Variants in SAMD4A observed in about 807,000 individuals in gnomAD.
SAMD4A encodes protein Smaug homolog 1.
Under a neutral mutation model 81.3 loss-of-function variants are expected in SAMD4A, and 33 were observed. The observed-to-expected ratio is 0.41, with a 90% CI of 0.31 to 0.54. The LOEUF is 0.54. Ranked by LOEUF, SAMD4A falls within the 20% of genes least tolerant of loss-of-function variation. SAMD4A has a pLI of 0.37. For missense variants in SAMD4A, 854 were observed against 951.1 expected, an observed-to-expected ratio of 0.90 and a Z score of 1.34; for synonymous variants, 389 against 382.1, an observed-to-expected ratio of 1.02 and a Z score of -0.21.
intron 2 of SAMD4A, among the ~76,000 whole-genome samples, chr14:54,578,356 AAGAG>A (rs576438626): frequency 2.6e-5 from 4 of 151,436 alleles, no homozygotes; most frequent in Non-Finnish European, 5.9e-5. Flanking sequence ...GCAGAGGAGA[AAGAG>A]AGAGAGAGAG....
In SAMD4A at chr14:54,692,304, T is replaced by C. The variant is rs529650514; in HGVS notation, c.197-9758T>C. On this transcript the variant is annotated intron_variant, in intron 2 of 12. Coordinates refer to ENST00000554335, the MANE Select transcript of SAMD4A (RefSeq NM_015589.6). Reference sequence around the variant, plus strand: ...TAAACCTGTTGTGTGGCATGGCTGTTGTTCCGTTTGCTCCACTGAATTAAG... The same window carrying C: ...TAAACCTGTTGTGTGGCATGGCTGTCGTTCCGTTTGCTCCACTGAATTAAG... 3.3e-5 allele frequency among the ~76,000 whole-genome samples: 5 copies of C among 152,330 alleles called. No homozygotes were observed. The South Asian group carries it at 1.0e-3, about 32-fold the overall frequency.
chr14:54,684,657 G>C (rs2036214447), intron 2 of SAMD4A, among the ~76,000 whole-genome samples: 1 of 139,594 alleles, frequency 7.2e-6, no homozygotes, highest in Non-Finnish European at 1.5e-5. Context: ...AAAGGGCTCA[G>C]CTGGGTGCCG....
At chr14:54,651,499 C>T (rs1202690648) in intron 2 of SAMD4A, among the ~76,000 whole-genome samples, 1 of 152,156 alleles carries the variant, frequency 6.6e-6, no homozygotes, top group African/African-American at 2.4e-5. Flanking sequence ...TAAACTTATA[C>T]TTTCTAAGGA....
At chr14:54,574,181 A>C (rs1204561023) in intron 2 of SAMD4A, among the ~76,000 whole-genome samples, 1 of 152,238 alleles carries the variant, frequency 6.6e-6, no homozygotes, top group Admixed American at 6.5e-5. Flanking sequence ...CCTCTCAAGT[A>C]GCTTACACTC....
At chr14:54,637,903 A>G (rs1175764867) in intron 2 of SAMD4A, among the ~76,000 whole-genome samples, 1 of 152,190 alleles carries the variant, frequency 6.6e-6, no homozygotes, top group African/African-American at 2.4e-5. Flanking sequence ...AGAAAGCCTC[A>G]TACACCAATA....
chr14:54,766,083 G>T (rs1594917012), intron 8 of SAMD4A, among the ~76,000 whole-genome samples: 2 of 152,028 alleles, frequency 1.3e-5, no homozygotes, highest in East Asian at 1.9e-4. Flanking sequence ...AAAAAAAAAT[G>T]GTTTTTTCCC....
intron 2 of SAMD4A, among the ~76,000 whole-genome samples, chr14:54,597,250 G>C (rs1050954085): frequency 6.6e-6 from 1 of 151,708 alleles, no homozygotes; most frequent in South Asian, 2.1e-4. Context: ...CTATCTCTCT[G>C]TTGTGGTCTT....
At chr14:54,679,499 C>T (rs577268698) in intron 2 of SAMD4A, among the ~76,000 whole-genome samples, 1 of 152,244 alleles carries the variant, frequency 6.6e-6, no homozygotes, top group Admixed American at 6.5e-5. Context: ...AGGCAAAGAC[C>T]AAGTTTCCAT....
At chr14:54,671,318 C>T (rs1594791986) in intron 2 of SAMD4A, among the ~76,000 whole-genome samples, 1 of 152,174 alleles carries the variant, frequency 6.6e-6, no homozygotes, top group African/African-American at 2.4e-5. Flanking sequence ...GTTGTGGCTT[C>T]TTGTGCAAGC....
At chr14:54,591,012 C>G (rs1424161053) in intron 2 of SAMD4A, among the ~76,000 whole-genome samples, 2 of 152,170 alleles carry the variant, frequency 1.3e-5, no homozygotes, top group African/African-American at 4.8e-5. Flanking sequence ...AGCAGCTTGT[C>G]ACTCAAGCCT....
At position 54,567,575 on chromosome 14, in the gene SAMD4A, A is replaced by C; in HGVS notation, c.-342A>C. ...GGGAGGAGACCCCAGGACGCCGGAA[A>C]TCACCATCCCAAAGCTGCAAGAAGG... On this transcript the variant is annotated 5_prime_UTR_variant, in exon 2 of 13. Coordinates refer to ENST00000554335, the MANE Select transcript of SAMD4A (RefSeq NM_015589.6). 2 of 281,312 alleles carry C rather than the reference A, an allele frequency of 7.1e-6. No homozygotes were observed. Among genetic ancestry groups the C allele is most frequent in the East Asian group, 1.2e-4 (1 of 8,230 alleles). The allele number at this position is 281,312 out of a possible 1,614,324, so 17.4% of individuals were successfully genotyped here. A position where few individuals can be genotyped will look rare whatever the true frequency, so the allele number is the denominator to read the frequency against.
At chr14:54,695,479 G>A (rs2036550818) in intron 2 of SAMD4A, among the ~76,000 whole-genome samples, 1 of 152,218 alleles carries the variant, frequency 6.6e-6, no homozygotes, top group African/African-American at 2.4e-5. Flanking sequence ...AGTGAACCAA[G>A]ACAGCAAGGT....
intron 2 of SAMD4A, among the ~76,000 whole-genome samples, chr14:54,700,123 C>A (rs546686628): frequency 5.3e-5 from 8 of 152,300 alleles, no homozygotes; most frequent in African/African-American, 1.9e-4. Flanking sequence ...TCCCAAACCA[C>A]CCACATTGCT....
intron 2 of SAMD4A, among the ~76,000 whole-genome samples, chr14:54,596,851 G>T (rs897923796): frequency 6.6e-6 from 1 of 152,156 alleles, no homozygotes; most frequent in Non-Finnish European, 1.5e-5. Flanking sequence ...GGTTCTTGGT[G>T]GGGGAGGGGG....
intron 2 of SAMD4A, among the ~76,000 whole-genome samples, chr14:54,686,515 T>G (rs1449882275): frequency 3.3e-5 from 5 of 151,894 alleles, no homozygotes; most frequent in Non-Finnish European, 5.9e-5. Context: ...TTTGTTTTTG[T>G]TTTTGTCTCT....
At chr14:54,737,318 A>T in intron 4 of SAMD4A, 31 bp downstream of exon 4, 1 of 1,611,698 alleles carries the variant, frequency 6.2e-7, no homozygotes, top group Non-Finnish European at 8.5e-7. Flanking sequence ...CCACTGGGGA[A>T]AGAGCCCCTC....
rs1023426299 is a variant in SAMD4A, at chr14:54,719,156, G to C, written c.715+16576G>C. On this transcript the variant is annotated intron_variant, in intron 3 of 12. Coordinates refer to ENST00000554335, the MANE Select transcript of SAMD4A (RefSeq NM_015589.6). ...TGACAAGGATTTGAATGGGGCTTTG[G>C]CTGGGCTATCAGAACTCTAGAGGAA... Among the ~76,000 whole-genome samples the C allele has an allele frequency of 2.6e-5, 4 of 152,048 alleles. No individual in the cohort carries two copies. The East Asian group carries it at 5.8e-4, about 22-fold the overall frequency.
chr14:54,653,166 C>T (rs2035443104), intron 2 of SAMD4A, among the ~76,000 whole-genome samples: 1 of 151,892 alleles, frequency 6.6e-6, no homozygotes, highest in South Asian at 2.1e-4. Context: ...TGTATTTCTG[C>T]ACTCTGGTTG....
At chr14:54,677,156 A>G (rs1385096299) in intron 2 of SAMD4A, among the ~76,000 whole-genome samples, 2 of 152,200 alleles carry the variant, frequency 1.3e-5, no homozygotes, top group Non-Finnish European at 2.9e-5. Flanking sequence ...AGTGGTTCAG[A>G]GGTAGTGTTC....
Sources: gnomAD v4.1 joint callset for allele counts (sites outside exome capture counted in the v4.1 genomes callset) on GRCh38, gnomAD v4.1.1 for gene constraint, MANE v1.5 for transcripts, NCBI Gene and HGNC (gene_info 2026-07-23, HGNC 2026-07-21) for gene names.